Variants in GPR158 observed in about 807,000 individuals in gnomAD.
The protein encoded by GPR158 is G protein-coupled receptor 158.
In GPR158, 30 loss-of-function variants were observed where a neutral mutation model predicts 78.2. The observed-to-expected ratio is 0.38, with a 90% CI of 0.29 to 0.52. The LOEUF is 0.52. Among genes scored for constraint, GPR158 ranks in the 20% least tolerant of loss-of-function variants. The pLI, the probability that GPR158 is intolerant of heterozygous loss-of-function variation, is 0.83. For synonymous variants in GPR158, 581 were observed against 591.1 expected (o/e 0.98, Z 0.25); for missense variants, 1,463 against 1,523.5 (o/e 0.96, Z 0.66).
chr10:25,199,858 T>C (rs1852898062), intron 1 of GPR158, among the ~76,000 whole-genome samples: 2 of 152,196 alleles, frequency 1.3e-5, no homozygotes, highest in South Asian at 4.1e-4. Flanking sequence ...CAGACTAATA[T>C]AGCTGCACAG....
At chr10:25,250,909 G>T (rs1330473251) in intron 2 of GPR158, among the ~76,000 whole-genome samples, 1 of 151,484 alleles carries the variant, frequency 6.6e-6, no homozygotes, top group African/African-American at 2.4e-5. Context: ...TGTTGACAGT[G>T]GGGTGTTAAA....
At chr10:25,233,244 C>T (rs1370810958) in intron 2 of GPR158, among the ~76,000 whole-genome samples, 1 of 152,182 alleles carries the variant, frequency 6.6e-6, no homozygotes, top group African/African-American at 2.4e-5. Context: ...TGTCCCTCAG[C>T]AGTGCTTTCT....
intron 5 of GPR158, among the ~76,000 whole-genome samples, chr10:25,528,415 A>C (rs1366252118): frequency 2.0e-5 from 3 of 152,090 alleles, no homozygotes; most frequent in African/African-American, 7.2e-5. Context: ...AATTGGGTAC[A>C]TTAAAAAACC....
At chr10:25,312,923 A>G (rs1854787284) in intron 2 of GPR158, among the ~76,000 whole-genome samples, 1 of 152,084 alleles carries the variant, frequency 6.6e-6, no homozygotes, top group Admixed American at 6.6e-5. Flanking sequence ...CATTATCAGT[A>G]AAAGTATCAG....
chr10:25,189,454 C>A (rs1215924620), intron 1 of GPR158, among the ~76,000 whole-genome samples: 1 of 152,042 alleles, frequency 6.6e-6, no homozygotes, highest in Non-Finnish European at 1.5e-5. Context: ...TACTATGCAG[C>A]CATAAAAAAG....
rs771077755 is a variant in GPR158 at position 25,175,387 on chromosome 10, C to A, written c.-34C>A. ...CCAAATTTAAAAAGTGATTCCCCCC[C>A]CTCCCGTTCCCTCCTCTTCTCTCTG... On this transcript the variant is annotated 5_prime_UTR_variant, in exon 1 of 11. Transcript: ENST00000376351. This position sits in a 1 kb window ranked among gnomAD's most constrained non-coding sequence, Gnocchi z 6.4. 16 of 1,315,004 alleles carry A rather than the reference C, an allele frequency of 1.2e-5. No individual in the cohort carries two copies. The highest frequency in any genetic ancestry group is 8.5e-5 in the South Asian group (6 of 70,930). The allele number at this position is 1,315,004 out of a possible 1,614,324, so 81.5% of individuals were successfully genotyped here.
intron 2 of GPR158, among the ~76,000 whole-genome samples, chr10:25,222,337 C>T (rs1483799210): frequency 6.8e-6 from 1 of 147,046 alleles, no homozygotes; most frequent in Non-Finnish European, 1.5e-5. Flanking sequence ...GTAAGAAGCC[C>T]CCGTAATGCT....
chr10:25,546,063 A>G (rs1366955918), intron 5 of GPR158, among the ~76,000 whole-genome samples: 1 of 152,148 alleles, frequency 6.6e-6, no homozygotes, highest in Non-Finnish European at 1.5e-5. Context: ...GGAGAGAGTC[A>G]TGAATGCCCG....
At chr10:25,372,976 T>C (rs1834021434) in intron 2 of GPR158, among the ~76,000 whole-genome samples, 1 of 151,950 alleles carries the variant, frequency 6.6e-6, no homozygotes, top group African/African-American at 2.4e-5. Context: ...ATATAAATTG[T>C]CTGTCATAAA....
rs1588883778 is a variant in GPR158, at chr10:25,485,975, C to G, written c.1404+19256C>G. On this transcript the variant is annotated intron_variant, in intron 5 of 10. Transcript: ENST00000376351. ...CCTTTTAAAAGAGGCCTGAAAGAGA[C>G]TCTTCACTTTTTCCACCATGGTTAG... Among the ~76,000 whole-genome samples the G allele has an allele frequency of 2.6e-5, 4 of 152,238 alleles. No individual in the cohort carries two copies. In the Middle Eastern group the frequency reaches 0.014, roughly 518 times the overall value.
chr10:25,276,932 C>T (rs1854191114), intron 2 of GPR158, among the ~76,000 whole-genome samples: 1 of 150,786 alleles, frequency 6.6e-6, no homozygotes, highest in African/African-American at 2.5e-5. Context: ...CAGAGTATTA[C>T]AAAAGCATCC....
intron 4 of GPR158, among the ~76,000 whole-genome samples, chr10:25,450,977 GT>G (rs34735232): frequency 0.68 from 103,440 of 151,176 alleles, 36,392 homozygotes; most frequent in East Asian, 0.99. Context: ...CTATATATGT[GT>G]TTTTTTTTTA....
At chr10:25,401,825 C>A (rs557013261) in intron 3 of GPR158, among the ~76,000 whole-genome samples, 1 of 151,994 alleles carries the variant, frequency 6.6e-6, no homozygotes, top group Non-Finnish European at 1.5e-5. Flanking sequence ...TTTTTGTTTT[C>A]TTTTTGCTTC....
intron 2 of GPR158, among the ~76,000 whole-genome samples, chr10:25,335,385 T>A (rs149771691): frequency 6.6e-6 from 1 of 152,202 alleles, no homozygotes; most frequent in East Asian, 1.9e-4. Context: ...TTTGTTGATG[T>A]TATAAAGGAT....
At chr10:25,425,566 A>G (rs545417507) in intron 4 of GPR158, among the ~76,000 whole-genome samples, 1 of 152,074 alleles carries the variant, frequency 6.6e-6, no homozygotes, top group Admixed American at 6.6e-5. Flanking sequence ...TACTTAAACA[A>G]AAAAGCTCCT....
chr10:25,278,897 G>T (rs1330024914), intron 2 of GPR158, among the ~76,000 whole-genome samples: 1 of 151,682 alleles, frequency 6.6e-6, no homozygotes, highest in Non-Finnish European at 1.5e-5. Flanking sequence ...AAAGATAATA[G>T]AATATATAAG....
chr10:25,578,758 A>G (rs1837142021), intron 7 of GPR158, among the ~76,000 whole-genome samples: 1 of 152,200 alleles, frequency 6.6e-6, no homozygotes, highest in South Asian at 2.1e-4. Context: ...CTGTAATCCC[A>G]GCACTTTGGG....
intron 3 of GPR158, among the ~76,000 whole-genome samples, chr10:25,405,343 G>T (rs1834498194): frequency 1.3e-5 from 2 of 151,708 alleles, no homozygotes; most frequent in African/African-American, 2.4e-5. Context: ...AATTGCAAAA[G>T]ATACTTTTTT....
chr10:25,383,445 T>A (rs1331664607), intron 2 of GPR158, among the ~76,000 whole-genome samples: 2 of 152,148 alleles, frequency 1.3e-5, no homozygotes, highest in African/African-American at 4.8e-5. Flanking sequence ...TAGAAACACC[T>A]TTGTTTCCAC....
Sources: gnomAD v4.1 joint callset for allele counts (sites outside exome capture counted in the v4.1 genomes callset) on GRCh38, gnomAD v4.1.1 for gene constraint, Gnocchi (gnomAD v3.1) non-coding constraint, MANE v1.5 for transcripts, NCBI Gene and HGNC (gene_info 2026-07-23, HGNC 2026-07-21) for gene names.